Variants in KCTD8 observed in about 807,000 individuals in gnomAD.
The protein encoded by KCTD8 is potassium channel tetramerization domain containing 8.
A neutral mutation model predicts 31.5 loss-of-function variants in KCTD8; 27 were observed. The ratio of observed to expected loss-of-function variants is 0.86; its 90% CI spans 0.63 to 1.18. The LOEUF is 1.18. Ranked by LOEUF, KCTD8 falls within the 50% of genes most tolerant of loss-of-function variation. The pLI is 0.00. For missense variants in KCTD8, 658 were observed against 647.7 expected (o/e 1.02, Z -0.17); for synonymous variants, 290 against 280.0 (o/e 1.04, Z -0.36).
At chr4:44,237,192 G>A (rs1230493507) in intron 1 of KCTD8, among the ~76,000 whole-genome samples, 1 of 151,956 alleles carries the variant, frequency 6.6e-6, no homozygotes, top group Non-Finnish European at 1.5e-5. Context: ...ATTTCCCACT[G>A]CACTCCTAAA....
At position 44,293,445 on chromosome 4, in the gene KCTD8, T is replaced by C. The variant is rs751575640; in HGVS notation, c.962-118195A>G. The C allele has an allele frequency of 7.5e-5, 34 of 455,796 alleles. 1 individual carries two copies. Among genetic ancestry groups the C allele is most frequent in the South Asian group, 5.3e-4 (34 of 64,526 alleles). 28.2% of individuals were successfully genotyped at this position (455,796 alleles called of 1,614,324 possible). On this transcript the variant is annotated intron_variant, in intron 1 of 1. Coordinates refer to ENST00000360029, the MANE Select transcript of KCTD8 (RefSeq NM_198353.3). ...GGCCCTGGTTCTGCATCTTGATTCA[T>C]GCTTGATCTGGCAAGCAATCATAAA...
At chr4:44,361,087 C>T (rs914265747) in intron 1 of KCTD8, among the ~76,000 whole-genome samples, 2 of 151,836 alleles carry the variant, frequency 1.3e-5, no homozygotes, top group African/African-American at 4.8e-5. Context: ...CTTGATCGTA[C>T]TCACTTCAAG....
rs546030622 is a variant in KCTD8, at chr4:44,349,897, A to T, written c.961+97666T>A. On this transcript the variant is annotated intron_variant, in intron 1 of 1. Transcript: ENST00000360029. Reference sequence around the variant, plus strand: ...CAATACCCACCAAAATCTGGGCCAAATAATTCTTTCTGGGTTTATTTATAG... The same window carrying T: ...CAATACCCACCAAAATCTGGGCCAATTAATTCTTTCTGGGTTTATTTATAG... Among the ~76,000 whole-genome samples the T allele has an allele frequency of 7.2e-5, 11 of 152,302 alleles. No individual in the cohort carries two copies. The South Asian group carries it at 2.1e-3, about 29-fold the overall frequency.
chr4:44,299,726 CAA>C (rs1362144246), intron 1 of KCTD8, among the ~76,000 whole-genome samples: 1 of 121,186 alleles, frequency 8.3e-6, no homozygotes. Context: ...GACTCCGTCT[CAA>C]AAAAAAAAAA....
chr4:44,334,415 G>GT (rs5857954), intron 1 of KCTD8, among the ~76,000 whole-genome samples: 66,582 of 151,562 alleles, frequency 0.44, 14,864 homozygotes, highest in Middle Eastern at 0.59. Context: ...ATCCTCGCTA[G>GT]TTTTTTTATG....
At chr4:44,281,123 G>A (rs1205086330) in intron 1 of KCTD8, among the ~76,000 whole-genome samples, 3 of 76,944 alleles carry the variant, frequency 3.9e-5, no homozygotes, top group Non-Finnish European at 8.2e-5. Flanking sequence ...AGGCTGGTGA[G>A]GATTAGCACG....
At chr4:44,426,900 A>T (rs1327819112) in intron 1 of KCTD8, among the ~76,000 whole-genome samples, 1 of 151,784 alleles carries the variant, frequency 6.6e-6, no homozygotes, top group Non-Finnish European at 1.5e-5. Context: ...AATTATGAAT[A>T]TATGTGCAAA....
chr4:44,203,738 CAT>C, intron 1 of KCTD8, among the ~76,000 whole-genome samples: 1 of 151,582 alleles, frequency 6.6e-6, no homozygotes, highest in East Asian at 1.9e-4. Context: ...AGAGCAAAGA[CAT>C]AAAGACTGAT....
intron 1 of KCTD8, among the ~76,000 whole-genome samples, chr4:44,246,481 A>G (rs957266192): frequency 6.6e-6 from 1 of 151,976 alleles, no homozygotes; most frequent in Non-Finnish European, 1.5e-5. Context: ...TTTTACCTAC[A>G]AATATCCTCT....
chr4:44,202,833 AAAAT>A (rs1283102195), intron 1 of KCTD8, among the ~76,000 whole-genome samples: 2 of 152,204 alleles, frequency 1.3e-5, no homozygotes, highest in African/African-American at 4.8e-5. Flanking sequence ...GCACAATATA[AAAAT>A]AAATATTAAA....
chr4:44,244,327 G>C (rs1021939160), intron 1 of KCTD8, among the ~76,000 whole-genome samples: 7 of 152,080 alleles, frequency 4.6e-5, no homozygotes, highest in Non-Finnish European at 1.0e-4. Context: ...ATTGGACTGT[G>C]TTGAGGCTCA....
At chr4:44,402,946 G>A (rs1390922990) in intron 1 of KCTD8, among the ~76,000 whole-genome samples, 1 of 152,176 alleles carries the variant, frequency 6.6e-6, no homozygotes, top group East Asian at 1.9e-4. Context: ...ATGATATCAT[G>A]ATATAAATGT....
intron 1 of KCTD8, among the ~76,000 whole-genome samples, chr4:44,180,328 A>C (rs1193916444): frequency 1.3e-5 from 2 of 152,134 alleles, no homozygotes; most frequent in Non-Finnish European, 2.9e-5. Flanking sequence ...CCTAAGATTT[A>C]TCTGTAAAAA....
At chr4:44,211,639 T>C (rs922095877) in intron 1 of KCTD8, among the ~76,000 whole-genome samples, 1 of 152,136 alleles carries the variant, frequency 6.6e-6, no homozygotes, top group Non-Finnish European at 1.5e-5. Flanking sequence ...TTCTAACTAA[T>C]GCTTCCTGGT....
At chr4:44,297,542 T>C (rs945290812) in intron 1 of KCTD8, among the ~76,000 whole-genome samples, 1 of 152,150 alleles carries the variant, frequency 6.6e-6, no homozygotes, top group Non-Finnish European at 1.5e-5. Context: ...AACACTACCA[T>C]TAACTTGCAC....
At position 44,405,893 on chromosome 4, in the gene KCTD8, C is replaced by T. The variant is rs193172838; in HGVS notation, c.961+41670G>A. ...TGAAGCATGTCCATGAGCCATTGTT[C>T]TAAACAGTTTTAGTTTCAGGGAACT... On this transcript the variant is annotated intron_variant, in intron 1 of 1. Transcript: ENST00000360029. 5.5e-4 allele frequency among the ~76,000 whole-genome samples: 77 copies of T among 140,392 alleles called. No homozygotes were observed. The East Asian group carries it at 0.014, about 26-fold the overall frequency. 92.1% of individuals were successfully genotyped at this position (140,392 alleles called of 152,430 possible).
chr4:44,177,910 C>G lies in KCTD8; in HGVS notation c.962-2660G>C, dbSNP rs375963331. ...CAGCTGAGTGTGTCTTCTCTCTCTT[C>G]CTGGGTTTCTGATAGATCCACTCTA... On this transcript the variant is annotated intron_variant, in intron 1 of 1. Transcript: ENST00000360029. Among the ~76,000 whole-genome samples the G allele has an allele frequency of 3.9e-5, 6 of 152,292 alleles. No homozygotes were observed. In the East Asian group the frequency reaches 1.2e-3, roughly 29 times the overall value.
rs76761338 is a variant in KCTD8, at chr4:44,399,281, T to A, written c.961+48282A>T. Among the ~76,000 whole-genome samples the A allele has an allele frequency of 5.3e-4, 81 of 152,102 alleles. 1 individual carries two copies. The East Asian group carries it at 0.012, about 23-fold the overall frequency. ...CTGTGGGGGAGTGAAAAGTAACTGA[T>A]TAGTGAAAGAATTCAGGCAACTAGG... is the stretch of plus-strand genomic sequence containing the variant. On this transcript the variant is annotated intron_variant, in intron 1 of 1. Coordinates refer to ENST00000360029, the MANE Select transcript of KCTD8 (RefSeq NM_198353.3).
At chr4:44,362,207 CA>C (rs1171405330) in intron 1 of KCTD8, among the ~76,000 whole-genome samples, 1 of 152,104 alleles carries the variant, frequency 6.6e-6, no homozygotes, top group Non-Finnish European at 1.5e-5. Flanking sequence ...TGAGTCAATG[CA>C]AGTGTAGGCA....
Sources: allele counts gnomAD v4.1 joint callset (sites outside exome capture counted in the v4.1 genomes callset), GRCh38; gene constraint gnomAD v4.1.1; transcripts MANE v1.5; gene names NCBI Gene and HGNC (gene_info 2026-07-23, HGNC 2026-07-21).